Variants in ABCC11 observed in about 807,000 individuals in gnomAD.
ABCC11 encodes the protein ATP-binding cassette sub-family C member 11.
A neutral mutation model predicts 149.3 loss-of-function variants in ABCC11; 135 were observed. That is an observed-to-expected ratio of 0.90 (90% CI 0.79 to 1.04). The LOEUF (loss-of-function observed/expected upper bound fraction) is 1.04, where lower values mean the gene tolerates loss of function less well. Ranked by LOEUF, ABCC11 falls within the 50% of genes least tolerant of loss-of-function variation. The probability of loss-of-function intolerance (pLI) is 0.00; values close to 1 mark genes in which losing one functional copy is unlikely to be tolerated. For synonymous variants in ABCC11, 665 were observed against 671.4 expected, an observed-to-expected ratio of 0.99 and a Z score of 0.15; for missense variants, 1,680 against 1,722.1, an observed-to-expected ratio of 0.98 and a Z score of 0.43.
At chr16:48,191,436 G>T (rs1178454999) in intron 20 of ABCC11, among the ~76,000 whole-genome samples, 1 of 152,102 alleles carries the variant, frequency 6.6e-6, no homozygotes, top group East Asian at 1.9e-4. Context: ...CGGAGGTTAA[G>T]GTAGGGAGGA....
intron 20 of ABCC11, among the ~76,000 whole-genome samples, chr16:48,190,700 C>G (rs952911325): frequency 6.6e-6 from 1 of 152,200 alleles, no homozygotes; most frequent in African/African-American, 2.4e-5. Flanking sequence ...CATATTCCAA[C>G]TTTAACATAT....
chr16:48,196,608 C>A (rs1260888956), intron 17 of ABCC11, among the ~76,000 whole-genome samples: 1 of 152,236 alleles, frequency 6.6e-6, no homozygotes, highest in Non-Finnish European at 1.5e-5. Context: ...AGAAAACCAC[C>A]TGGGACCAGA....
At chr16:48,232,666 T>A (rs1034302036) in intron 1 of ABCC11, among the ~76,000 whole-genome samples, 10 of 152,322 alleles carry the variant, frequency 6.6e-5, no homozygotes, top group South Asian at 4.1e-4. Flanking sequence ...ATTAGGAATA[T>A]TCTGAAGAGA....
chr16:48,179,696 C>T (rs1966307954), intron 23 of ABCC11, among the ~76,000 whole-genome samples: 1 of 152,192 alleles, frequency 6.6e-6, no homozygotes, highest in South Asian at 2.1e-4. Context: ...TGGAGAAGCC[C>T]TGGAGTGCCA....
intron 10 of ABCC11, 82 bp downstream of exon 10, chr16:48,213,361 G>C: frequency 8.0e-7 from 1 of 1,250,770 alleles, no homozygotes. Flanking sequence ...GCCAGGGGAC[G>C]TGTTCTGGAG....
intron 2 of ABCC11, among the ~76,000 whole-genome samples, 179 bp from the exon 3 acceptor site, chr16:48,230,752 C>T (rs939055977): frequency 2.0e-5 from 3 of 151,874 alleles, no homozygotes; most frequent in Non-Finnish European, 4.4e-5. Flanking sequence ...TCCCAGCACT[C>T]GCTCTGACCC....
chr16:48,204,526 G>A (rs769916262), intron 13 of ABCC11, among the ~76,000 whole-genome samples: 2 of 152,148 alleles, frequency 1.3e-5, no homozygotes, highest in South Asian at 2.1e-4. Flanking sequence ...CTGGCTTCCC[G>A]GGGTGCAAGG....
chr16:48,186,838 C>A (rs1010524227), intron 22 of ABCC11, 115 bp downstream of exon 22: 2 of 1,324,480 alleles, frequency 1.5e-6, no homozygotes, highest in East Asian at 2.3e-5. Flanking sequence ...GTCCATCGAA[C>A]AATGTGCTCT....
Position 48,213,480 on chromosome 16 carries a change from C to G in ABCC11, c.1319G>C (p.Gly440Ala). The G allele has an allele frequency of 1.2e-6, 2 of 1,612,388 alleles. No homozygotes were observed. Among genetic ancestry groups the G allele is most frequent in the Middle Eastern group, 1.7e-4 (1 of 6,058 alleles). Residue 440 changes from glycine (G) to alanine (A), a missense_variant, in exon 10 of 30, where the codon GGT becomes GCT. Coordinates refer to ENST00000356608, the MANE Select transcript of ABCC11 (RefSeq NM_001370497.1). ...CACTGCAGACTTGGAATTCGTGAGACCTTTGACTGCAATAGGCACAAAGAA... is the reference window on the plus strand; with the variant it reads ...CACTGCAGACTTGGAATTCGTGAGAGCTTTGACTGCAATAGGCACAAAGAA... ...SVFFVPIAVK[G>A]LTNSKSAVMR...
intron 9 of ABCC11, 44 bp downstream of exon 9, chr16:48,214,837 T>A: frequency 6.2e-7 from 1 of 1,610,286 alleles, no homozygotes. Flanking sequence ...GTGAGAAAAT[T>A]CCCAATCATG....
chr16:48,177,543 G>T lies in ABCC11; in HGVS notation c.3349-430C>A, dbSNP rs756470252. ...GCATTTCCCAGGTGAGGAGATAGAG[G>T]ATCCAACAACTTAAGATCAACAACT... is the stretch of plus-strand genomic sequence containing the variant. On this transcript the variant is annotated intron_variant, in intron 24 of 29. Transcript: ENST00000356608. Among the ~76,000 whole-genome samples, 29 of 152,204 alleles carry T rather than the reference G, an allele frequency of 1.9e-4. 1 individual carries two copies. Among genetic ancestry groups the T allele is most frequent in the Admixed American group, 3.3e-4 (5 of 15,284 alleles).
At position 48,200,359 on chromosome 16, in the gene ABCC11, G is replaced by A; in HGVS notation, c.1999C>T (p.His667Tyr). The change falls in exon 15 of 30, where the codon CAC becomes TAC. Residue 667 changes from histidine (H) to tyrosine (Y), a missense_variant. Physicochemically the swap from His to Tyr is moderately conservative, Grantham distance 83. Transcript: ENST00000356608. ...LDDPLSAVDA[H>Y]VGKHIFEECI... ...TCCTCAAAAATGTGCTTCCCCACGT[G>A]GGCGTCCACAGCAGACAGGGGGTCG... 6.2e-7 allele frequency: 1 copy of A among 1,614,256 alleles called. No individual in the cohort carries two copies. Among genetic ancestry groups the A allele is most frequent in the African/African-American group, 1.3e-5 (1 of 75,074 alleles).
chr16:48,221,413 C>G (rs1969727542), intron 6 of ABCC11, among the ~76,000 whole-genome samples: 1 of 151,966 alleles, frequency 6.6e-6, no homozygotes, highest in Non-Finnish European at 1.5e-5. Context: ...GTTTCTTCCT[C>G]CATTTCTGTC....
chr16:48,165,393 G>A (rs146807043), downstream of ABCC11, among the ~76,000 whole-genome samples: 95 of 152,342 alleles, frequency 6.2e-4, no homozygotes, highest in African/African-American at 2.0e-3. Context: ...GAAGGTTCGC[G>A]CTCCAGGGCA....
At chr16:48,212,449 A>G (rs1417637450) in intron 10 of ABCC11, among the ~76,000 whole-genome samples, 2 of 152,162 alleles carry the variant, frequency 1.3e-5, no homozygotes, top group Non-Finnish European at 2.9e-5. Context: ...AAAAATAAAA[A>G]TCACCTAATG....
intron 12 of ABCC11, among the ~76,000 whole-genome samples, chr16:48,206,992 G>A (rs961170640): frequency 1.3e-5 from 2 of 152,050 alleles, no homozygotes; most frequent in African/African-American, 4.8e-5. Context: ...CAAAGAAACC[G>A]GGGAAAGGCC....
chr16:48,182,658 C>T (rs927911492), intron 23 of ABCC11, among the ~76,000 whole-genome samples: 1 of 151,958 alleles, frequency 6.6e-6, no homozygotes, highest in African/African-American at 2.4e-5. Context: ...TGGCGGGCCC[C>T]TGTAGTCCCA....
chr16:48,228,051 T>A, intron 3 of ABCC11, 87 bp from the exon 4 acceptor site: 2 of 1,006,544 alleles, frequency 2.0e-6, no homozygotes. Flanking sequence ...CACAACGAGG[T>A]TACCCAGATC....
At chr16:48,192,829 T>C (rs1967048769) in intron 19 of ABCC11, 112 bp from the exon 20 acceptor site, 9 of 1,131,034 alleles carry the variant, frequency 8.0e-6, no homozygotes, top group Non-Finnish European at 1.2e-5. Flanking sequence ...AAGGTGAAGC[T>C]GTTTGCCCAA....
Sources: gnomAD v4.1 joint callset for allele counts (sites outside exome capture counted in the v4.1 genomes callset) on GRCh38, gnomAD v4.1.1 for gene constraint, MANE v1.5 for transcripts, NCBI Gene and HGNC (gene_info 2026-07-23, HGNC 2026-07-21) for gene names.